The following LIMCH1 variants were observed in gnomAD, a reference collection of about 807,000 sequenced individuals.
The protein encoded by LIMCH1 is LIM and calponin homology domains-containing protein 1.
In LIMCH1, 113 loss-of-function variants were observed where a neutral mutation model predicts 176.5. That is an observed-to-expected ratio of 0.64 (90% CI 0.55 to 0.75). The LOEUF is 0.75. Ranked by LOEUF, LIMCH1 falls within the 30% of genes least tolerant of loss-of-function variation. The pLI is 0.00. For synonymous variants in LIMCH1, 619 were observed against 645.9 expected (o/e 0.96, Z 0.63); for missense variants, 1,674 against 1,814.9 (o/e 0.92, Z 1.41).
At chr4:41,371,450 C>T (rs1273470842) in intron 1 of LIMCH1, among the ~76,000 whole-genome samples, 1 of 152,134 alleles carries the variant, frequency 6.6e-6, no homozygotes, top group African/African-American at 2.4e-5. Context: ...TCTATTTCCC[C>T]AGTCTTTTTC....
rs1177133328 is a variant in LIMCH1, at chr4:41,662,890, G to T, written c.3197G>T (p.Ser1066Ile). ...PTVAFVEFPS[S>I]PQLKNDVSEE... is the part of the protein sequence containing the mutation. ...GTGGCCTTTGTGGAATTTCCCTCCA[G>T]CCCCCAGCTGAAGAATGATGTGTCG... The change falls in exon 20 of 32, where the codon AGC becomes ATC. Residue 1066 changes from serine (S) to isoleucine (I), a missense_variant. Ser to Ile is a moderately radical substitution (Grantham distance 142, BLOSUM62 -2). Around this residue, in one of 3 missense-constraint regions of LIMCH1, gnomAD observed 1,015 missense variants for 1,102.5 expected, o/e 0.92. Coordinates refer to ENST00000503057, the MANE Select transcript of LIMCH1 (RefSeq NM_001330672.2). 2 of 1,613,844 alleles carry T rather than the reference G, an allele frequency of 1.2e-6. No individual in the cohort carries two copies. The highest frequency in any genetic ancestry group is 1.3e-5 in the African/African-American group (1 of 74,858).
chr4:41,660,321 A>G (rs985323485), intron 18 of LIMCH1, among the ~76,000 whole-genome samples: 2 of 152,186 alleles, frequency 1.3e-5, no homozygotes, highest in Non-Finnish European at 2.9e-5. Flanking sequence ...TCCATCAAGC[A>G]TAAAACTGAC....
intron 1 of LIMCH1, among the ~76,000 whole-genome samples, chr4:41,389,963 C>T (rs1277800753): frequency 6.6e-6 from 1 of 152,200 alleles, no homozygotes; most frequent in Non-Finnish European, 1.5e-5. Context: ...GAAAGCCTTT[C>T]TTCTCCTACT....
intron 1 of LIMCH1, among the ~76,000 whole-genome samples, chr4:41,483,350 C>T (rs1487877213): frequency 1.3e-5 from 2 of 152,106 alleles, no homozygotes; most frequent in Non-Finnish European, 2.9e-5. Context: ...TGGTCTCTGT[C>T]TCATTGCAAT....
At chr4:41,563,764 CT>C (rs1406877679) in intron 1 of LIMCH1, among the ~76,000 whole-genome samples, 2 of 152,164 alleles carry the variant, frequency 1.3e-5, no homozygotes, top group Non-Finnish European at 2.9e-5. Flanking sequence ...GCCTTTTCCT[CT>C]TAGCCAGGTA....
intron 1 of LIMCH1, among the ~76,000 whole-genome samples, chr4:41,456,121 G>GTT (rs2064564857): frequency 6.6e-6 from 1 of 152,140 alleles, no homozygotes; most frequent in Non-Finnish European, 1.5e-5. Context: ...GCAATAGTGA[G>GTT]TTTGTCAGTG....
chr4:41,676,419 G>C lies in LIMCH1; in HGVS notation c.3476G>C (p.Arg1159Thr). Residue 1159 changes from arginine (R) to threonine (T), a missense_variant, in exon 23 of 32, where the codon AGG becomes ACG. Arg to Thr is a moderately conservative substitution (Grantham distance 71). Around this residue, in one of 3 missense-constraint regions of LIMCH1, gnomAD observed 1,015 missense variants for 1,102.5 expected, o/e 0.92. Transcript: ENST00000503057. Reference protein sequence around the residue: ...FWAWDPEEERRRQEKWQQEQE... With the variant: ...FWAWDPEEERTRQEKWQQEQE... ...GCATGGGACCCAGAAGAGGAGCGCA[G>C]GCGACAGGAAAAATGGCAACAGGAA... 3 of 1,614,034 alleles carry C rather than the reference G, an allele frequency of 1.9e-6. No homozygotes were observed. The highest frequency in any genetic ancestry group is 2.5e-6 in the Non-Finnish European group (3 of 1,179,934).
chr4:41,659,966 T>G (rs2094565737), intron 18 of LIMCH1, among the ~76,000 whole-genome samples: 1 of 152,142 alleles, frequency 6.6e-6, no homozygotes, highest in Non-Finnish European at 1.5e-5. Context: ...ATAGTCATTA[T>G]AGAACATTTT....
chr4:41,490,108 G>T (rs1431319924), intron 1 of LIMCH1, among the ~76,000 whole-genome samples: 1 of 152,064 alleles, frequency 6.6e-6, no homozygotes, highest in Non-Finnish European at 1.5e-5. Flanking sequence ...TGTCTCAGGG[G>T]TGGCAGAGAC....
chr4:41,552,835 G>C (rs2080671121), intron 1 of LIMCH1, among the ~76,000 whole-genome samples: 1 of 152,146 alleles, frequency 6.6e-6, no homozygotes, highest in South Asian at 2.1e-4. Flanking sequence ...AAGTAAGACA[G>C]ACTTTAAGAA....
intron 2 of LIMCH1, among the ~76,000 whole-genome samples, chr4:41,496,331 G>A (rs1166096529): frequency 2.0e-5 from 3 of 152,316 alleles, no homozygotes. Context: ...GAAGGAGCAC[G>A]AGCTTTGGAG....
At chr4:41,435,525 C>T (rs951596119) in intron 1 of LIMCH1, among the ~76,000 whole-genome samples, 1 of 152,144 alleles carries the variant, frequency 6.6e-6, no homozygotes, top group South Asian at 2.1e-4. Context: ...ACTAATACAC[C>T]CTTCTTGTCC....
intron 1 of LIMCH1, among the ~76,000 whole-genome samples, chr4:41,405,767 T>G (rs2058895577): frequency 6.6e-6 from 1 of 152,202 alleles, no homozygotes; most frequent in Non-Finnish European, 1.5e-5. Flanking sequence ...AATATGTGCA[T>G]GTATTATGTA....
chr4:41,453,024 T>C (rs1259692968), intron 1 of LIMCH1, among the ~76,000 whole-genome samples: 1 of 152,154 alleles, frequency 6.6e-6, no homozygotes, highest in African/African-American at 2.4e-5. Context: ...CACACCCTTC[T>C]TACTTGATGA....
chr4:41,534,023 A>G (rs577151121), upstream of LIMCH1, among the ~76,000 whole-genome samples: 4 of 152,204 alleles, frequency 2.6e-5, no homozygotes, highest in African/African-American at 4.8e-5. Flanking sequence ...GGGTGTTTGG[A>G]CTCATTTTGT....
Position 41,514,430 on chromosome 4 carries a change from G to C in LIMCH1, c.168-9979G>C, listed in dbSNP as rs75218662. Among the ~76,000 whole-genome samples, 1,507 of 152,330 alleles carry C rather than the reference G, an allele frequency of 9.9e-3. 33 individuals carry two copies. The highest frequency in any genetic ancestry group is 0.035 in the African/African-American group (1,434 of 41,556). On this transcript the variant is annotated intron_variant, in intron 2 of 26. Coordinates refer to the LIMCH1 transcript ENST00000313860. ...GCCACAAAGGAGTGAGAGGAGGCCTGTGGGAAAGGCAGTTCAGGGGAGGAA... is the reference window on the plus strand; with the variant it reads ...GCCACAAAGGAGTGAGAGGAGGCCTCTGGGAAAGGCAGTTCAGGGGAGGAA...
intron 1 of LIMCH1, among the ~76,000 whole-genome samples, chr4:41,377,162 T>C (rs1385234222): frequency 6.6e-6 from 1 of 152,178 alleles, no homozygotes; most frequent in Non-Finnish European, 1.5e-5. Context: ...AGGGTCAGCT[T>C]GAGCAGCTCT....
chr4:41,527,910 A>C (rs2076850288), intron 3 of LIMCH1, among the ~76,000 whole-genome samples: 2 of 151,978 alleles, frequency 1.3e-5, no homozygotes, highest in Admixed American at 1.3e-4. Flanking sequence ...AGGAAATATG[A>C]CAGCCTCATA....
intron 23 of LIMCH1, among the ~76,000 whole-genome samples, chr4:41,678,016 A>G (rs1286167626): frequency 1.3e-5 from 2 of 152,076 alleles, no homozygotes; most frequent in Admixed American, 1.3e-4. Flanking sequence ...TACACGTGTC[A>G]TGGTGGTTTG....
Sources: allele counts gnomAD v4.1 joint callset (sites outside exome capture counted in the v4.1 genomes callset), GRCh38; gene constraint gnomAD v4.1.1; regional missense constraint gnomAD v4.1.1; transcripts MANE v1.5; gene names NCBI Gene and HGNC (gene_info 2026-07-23, HGNC 2026-07-21).